FBXO21: variants seen among roughly 807,000 people sequenced by gnomAD.
The protein encoded by FBXO21 is F-box protein 21.
In FBXO21, 32 loss-of-function variants were observed where a neutral mutation model predicts 76.6. The observed-to-expected ratio is 0.42, with a 90% CI of 0.32 to 0.56. The LOEUF is 0.56. Ranked by LOEUF, FBXO21 falls within the 20% of genes least tolerant of loss-of-function variation. The pLI is 0.16. For missense variants in FBXO21, 586 were observed against 797.3 expected, an observed-to-expected ratio of 0.73 and a Z score of 3.19; for synonymous variants, 328 against 311.5, an observed-to-expected ratio of 1.05 and a Z score of -0.56.
chr12:117,155,620 G>A (rs1955906305), intron 11 of FBXO21, 171 bp downstream of exon 11: 3 of 740,808 alleles, frequency 4.0e-6, no homozygotes, highest in African/African-American at 1.8e-5. Flanking sequence ...CGGCACCTGT[G>A]CAGACCCAGC....
rs1376815629 is a variant in FBXO21, at chr12:117,157,987, G to C, written c.1403C>G (p.Thr468Ser). 1 of 1,614,206 alleles carries C rather than the reference G, an allele frequency of 6.2e-7. No individual in the cohort carries two copies. The highest frequency in any genetic ancestry group is 1.1e-5 in the South Asian group (1 of 91,088). The stretch of plus-strand genomic sequence containing the variant: ...CTTTTTGCGCTCAATGTGCTCTAGA[G>C]TGTGCTGCACCAGGTAGCCCACCGC... ...HGAVGYLVQH[T>S]LEHIERKKEE... The change falls in exon 10 of 12, where the codon ACT becomes AGT. Residue 468 changes from threonine to serine, a missense_variant. By Grantham distance (58) the Thr-to-Ser change is moderately conservative (BLOSUM62 1). Around this residue, in one of 6 missense-constraint regions of FBXO21, gnomAD observed 164 missense variants for 236.7 expected, o/e 0.69. Transcript: ENST00000622495.
At chr12:117,166,228 GCACA>G (rs1381487132) in intron 8 of FBXO21, among the ~76,000 whole-genome samples, 2 of 151,406 alleles carry the variant, frequency 1.3e-5, no homozygotes, top group African/African-American at 2.4e-5. Context: ...AGTAGGCGGA[GCACA>G]GAGGATATTT....
At chr12:117,165,203 C>G (rs533441333) in intron 9 of FBXO21, among the ~76,000 whole-genome samples, 1 of 152,036 alleles carries the variant, frequency 6.6e-6, no homozygotes, top group African/African-American at 2.4e-5. Flanking sequence ...TTGGGGAAAA[C>G]GATCTGAGGG....
chr12:117,157,315 CAG>C (rs1955928225), intron 10 of FBXO21, among the ~76,000 whole-genome samples: 1 of 151,976 alleles, frequency 6.6e-6, no homozygotes, highest in Admixed American at 6.5e-5. Context: ...ACCCAGGAAA[CAG>C]AAATTAAAAC....
At chr12:117,190,119 G>A (rs2135893181) in intron 1 of FBXO21, 99 bp downstream of exon 1, 2 of 580,346 alleles carry the variant, frequency 3.4e-6, no homozygotes, top group East Asian at 1.4e-4. Context: ...GGTGGGGTCC[G>A]CGCGCGGGGC....
rs747792995 is a variant in FBXO21 at position 117,155,958 on chromosome 12, A to C, written c.1518-10T>G. ...ACAGTTATAGCCATACCTAGTTAAC[A>C]CAGGAGGAGCAGTCAGTCCCTGCAG... On this transcript the variant is annotated splice_polypyrimidine_tract_variant and intron_variant, in intron 10 of 11. Coordinates refer to ENST00000622495, the MANE Select transcript of FBXO21 (RefSeq NM_015002.3). 2.5e-6 allele frequency: 4 copies of C among 1,613,424 alleles called. No homozygotes were observed. The East Asian group carries it at 8.9e-5, about 36-fold the overall frequency.
At position 117,145,664 on chromosome 12, in the gene FBXO21, G is replaced by C. The variant is rs932748533; in HGVS notation, c.*423C>G. 6.5e-6 allele frequency: 1 copy of C among 154,192 alleles called. No individual in the cohort carries two copies. The highest frequency in any genetic ancestry group is 1.4e-5 in the Non-Finnish European group (1 of 69,394). 9.6% of individuals were successfully genotyped at this position (154,192 alleles called of 1,614,324 possible). On this transcript the variant is annotated 3_prime_UTR_variant, in exon 12 of 12. Coordinates refer to ENST00000622495, the MANE Select transcript of FBXO21 (RefSeq NM_015002.3). The stretch of plus-strand genomic sequence containing the variant: ...CTCGGGACCGAACACGTTCCACAGA[G>C]AAATCAGAAGGAAATTATTGCAAAT...
intron 3 of FBXO21, among the ~76,000 whole-genome samples, chr12:117,183,134 T>C (rs1251855698): frequency 6.6e-6 from 1 of 152,202 alleles, no homozygotes; most frequent in Non-Finnish European, 1.5e-5. Context: ...ATATGTGTGT[T>C]GGGTAACCTA....
chr12:117,172,432 A>G, intron 7 of FBXO21, 39 bp downstream of exon 7: 1 of 1,596,580 alleles, frequency 6.3e-7, no homozygotes, highest in Non-Finnish European at 8.6e-7. Flanking sequence ...AGAGGGACCA[A>G]ATCTTCAGGA....
At chr12:117,152,947 A>G (rs1012718656) in intron 11 of FBXO21, among the ~76,000 whole-genome samples, 2 of 152,140 alleles carry the variant, frequency 1.3e-5, no homozygotes, top group Non-Finnish European at 2.9e-5. Flanking sequence ...GACTTCAAAG[A>G]AGATGAACGG....
rs372082361 is a variant in FBXO21, at chr12:117,146,224, G to A, written c.1729C>T (p.Arg577Cys). The A allele has an allele frequency of 5.0e-6, 8 of 1,613,400 alleles. No individual in the cohort carries two copies. Among genetic ancestry groups the A allele is most frequent in the Non-Finnish European group, 5.9e-6 (7 of 1,179,878 alleles). ...PQEISHPDVG[R>C]YFSEFTGTHY... is the part of the protein sequence containing the mutation. ...GTGCCAGTAAACTCTGAGAAATAGCGTCCCACGTCAGGGTGTGAGATTTCT... is the reference window on the plus strand; with the variant it reads ...GTGCCAGTAAACTCTGAGAAATAGCATCCCACGTCAGGGTGTGAGATTTCT... The change falls in exon 12 of 12, where the codon CGC becomes TGC. Residue 577 changes from arginine to cysteine, a missense_variant. Transcript: ENST00000622495.
At chr12:117,157,751 C>T (rs745410820) in intron 10 of FBXO21, 122 bp downstream of exon 10, 295 of 780,038 alleles carry the variant, frequency 3.8e-4, no homozygotes, top group African/African-American at 4.9e-4. Context: ...GGTGCGCACT[C>T]GGGGGATAAG....
chr12:117,179,497 G>A (rs984673315), intron 3 of FBXO21, among the ~76,000 whole-genome samples: 4 of 151,690 alleles, frequency 2.6e-5, no homozygotes, highest in African/African-American at 9.7e-5. Flanking sequence ...AACCTGGGTT[G>A]TTTGACCTGC....
rs900096876 is a variant in FBXO21, at chr12:117,145,557, C to T, written c.*530G>A. The T allele has an allele frequency of 1.3e-5, 2 of 152,148 alleles. No individual in the cohort carries two copies. The highest frequency in any genetic ancestry group is 2.9e-5 in the Non-Finnish European group (2 of 68,066). The allele number at this position is 152,148 out of a possible 1,614,324, so 9.4% of individuals were successfully genotyped here. ...ACCATTAGCTTGTTAATGTCTCCAT[C>T]TCTAAGATGCTGCCAAGATAGCACA... is the stretch of plus-strand genomic sequence containing the variant. On this transcript the variant is annotated 3_prime_UTR_variant, in exon 12 of 12. Coordinates refer to ENST00000622495, the MANE Select transcript of FBXO21 (RefSeq NM_015002.3).
Position 117,165,691 on chromosome 12 carries a change from GT to G in FBXO21, c.1194-75del, listed in dbSNP as rs1339542723. On this transcript the variant is annotated intron_variant, in intron 8 of 11. Transcript: ENST00000622495. The stretch of plus-strand genomic sequence containing the variant: ...AAAGACTCTCTTTTTCAAGGCCCAG[GT>G]TTTAAATATAATTGACACAAATCCC... 31 of 1,411,696 alleles carry G rather than the reference GT, an allele frequency of 2.2e-5. No individual in the cohort carries two copies. In the East Asian group the frequency reaches 6.6e-4, roughly 30 times the overall value. 87.4% of individuals were successfully genotyped at this position (1,411,696 alleles called of 1,614,324 possible).
chr12:117,190,136 G>C (rs1176333386), intron 1 of FBXO21, 82 bp downstream of exon 1: 2 of 713,056 alleles, frequency 2.8e-6, no homozygotes, highest in African/African-American at 3.9e-5. Flanking sequence ...GGGCGGCCGC[G>C]GGGAGCTAGC....
intron 7 of FBXO21, among the ~76,000 whole-genome samples, chr12:117,167,361 A>T (rs929712934): frequency 6.6e-6 from 1 of 152,170 alleles, no homozygotes; most frequent in Non-Finnish European, 1.5e-5. Flanking sequence ...TAAGATAAAG[A>T]TTTATGGAAT....
In FBXO21 at chr12:117,157,862, C is replaced by A; in HGVS notation, c.1517+11G>T. The A allele has an allele frequency of 6.3e-7, 1 of 1,586,370 alleles. No individual in the cohort carries two copies. The highest frequency in any genetic ancestry group is 1.1e-5 in the South Asian group (1 of 86,968). ...ACGGACACTGCAGGACAGATGATCC[C>A]GGGCACTCACCTCTTATGCTTCATA... On this transcript the variant is annotated intron_variant, in intron 10 of 11. Coordinates refer to ENST00000622495, the MANE Select transcript of FBXO21 (RefSeq NM_015002.3).
intron 11 of FBXO21, among the ~76,000 whole-genome samples, chr12:117,150,925 G>A (rs1314959870): frequency 1.5e-5 from 2 of 133,166 alleles, no homozygotes; most frequent in Non-Finnish European, 3.3e-5. Flanking sequence ...CTGTATGGGT[G>A]GAAAGTTGAG....
Sources: gnomAD v4.1 joint callset for allele counts (sites outside exome capture counted in the v4.1 genomes callset) on GRCh38, gnomAD v4.1.1 for gene constraint, gnomAD v4.1.1 regional missense constraint, MANE v1.5 for transcripts, NCBI Gene and HGNC (gene_info 2026-07-23, HGNC 2026-07-21) for gene names.